CTNND2: variants seen among roughly 807,000 people sequenced by gnomAD.
CTNND2 encodes catenin delta 2.
A neutral mutation model predicts 144.4 loss-of-function variants in CTNND2; 22 were observed. That is an observed-to-expected ratio of 0.15 (90% CI 0.11 to 0.22). The LOEUF is 0.22. CTNND2 is among the 10% of genes least tolerant of loss of function. The pLI is 1.00. For missense variants in CTNND2, 1,353 were observed against 1,618.8 expected (o/e 0.84, Z 2.82); for synonymous variants, 751 against 695.6 (o/e 1.08, Z -1.25).
chr5:11,129,098 AAATAAAAT>A (rs1755159554), intron 12 of CTNND2, among the ~76,000 whole-genome samples: 1 of 31,744 alleles, frequency 3.2e-5, no homozygotes, highest in African/African-American at 9.2e-5. Context: ...TATTATATAT[AAATAAAAT>A]ATATATATTA....
In CTNND2 at chr5:11,829,683, C is replaced by T. The variant is rs536003888; in HGVS notation, c.37+74134G>A. 7.2e-5 allele frequency among the ~76,000 whole-genome samples: 11 copies of T among 152,334 alleles called. No homozygotes were observed. In the East Asian group the frequency reaches 1.7e-3, roughly 24 times the overall value. On this transcript the variant is annotated intron_variant, in intron 1 of 21. Transcript: ENST00000304623. ...CAGAGGCAGGGCTCTCATGGAGAAC[C>T]TCTACTCGGGCAGTGCAGAAGGGAA...
chr5:11,470,083 C>T (rs1401774318), intron 3 of CTNND2, among the ~76,000 whole-genome samples: 1 of 152,110 alleles, frequency 6.6e-6, no homozygotes, highest in East Asian at 1.9e-4. Context: ...TCCACTCTCG[C>T]CCCCTCCTTC....
intron 9 of CTNND2, among the ~76,000 whole-genome samples, chr5:11,268,191 T>C (rs1745649376): frequency 6.6e-6 from 1 of 152,244 alleles, no homozygotes; most frequent in South Asian, 2.1e-4. Flanking sequence ...TCCACATGGA[T>C]ATTTAAAAAT....
At chr5:11,843,145 T>C (rs935164009) in intron 1 of CTNND2, among the ~76,000 whole-genome samples, 7 of 152,178 alleles carry the variant, frequency 4.6e-5, no homozygotes, top group Non-Finnish European at 1.0e-4. Context: ...TATGAAAAAG[T>C]TGCACTTCTT....
rs191152735 is a variant in CTNND2 at position 11,578,585 on chromosome 5, C to T, written c.175-13529G>A. ...CTGAGGCAGGTAAATCGCTTGAACT[C>T]GGGAGGCAGAGGTTGCAGTGAGCTG... On this transcript the variant is annotated intron_variant, in intron 2 of 21. Coordinates refer to ENST00000304623, the MANE Select transcript of CTNND2 (RefSeq NM_001332.4). Among the ~76,000 whole-genome samples, 290 of 152,014 alleles carry T rather than the reference C, an allele frequency of 1.9e-3. 2 individuals carry two copies. Among genetic ancestry groups the T allele is most frequent in the African/African-American group, 6.6e-3 (274 of 41,458 alleles).
At chr5:11,216,648 G>T (rs909574433) in intron 10 of CTNND2, among the ~76,000 whole-genome samples, 1 of 152,244 alleles carries the variant, frequency 6.6e-6, no homozygotes, top group African/African-American at 2.4e-5. Flanking sequence ...AGAGCTACCA[G>T]ATAGTAAGTG....
chr5:11,086,638 A>T (rs1182538178), intron 15 of CTNND2, among the ~76,000 whole-genome samples: 1 of 152,230 alleles, frequency 6.6e-6, no homozygotes, highest in East Asian at 1.9e-4. Flanking sequence ...GTGTCCCATG[A>T]AATTCCTAGT....
intron 3 of CTNND2, among the ~76,000 whole-genome samples, chr5:11,518,669 T>C (rs929087606): frequency 3.9e-5 from 6 of 152,344 alleles, no homozygotes; most frequent in East Asian, 1.9e-4. Context: ...ATTTTTACTA[T>C]ACCTTTACTA....
At chr5:11,523,119 C>T (rs1364099287) in intron 3 of CTNND2, among the ~76,000 whole-genome samples, 1 of 152,166 alleles carries the variant, frequency 6.6e-6, no homozygotes, top group Non-Finnish European at 1.5e-5. Flanking sequence ...ACTTAATCCA[C>T]ATATACTAGC....
intron 9 of CTNND2, among the ~76,000 whole-genome samples, chr5:11,267,490 A>C (rs2149969294): frequency 6.6e-6 from 1 of 152,282 alleles, no homozygotes; most frequent in African/African-American, 2.4e-5. Flanking sequence ...GACACAGATA[A>C]ATGAGCCCTT....
At position 10,972,408 on chromosome 5, in the gene CTNND2, C is replaced by T. The variant is rs1735937820; in HGVS notation, c.*1045G>A. Reference sequence around the variant, plus strand: ...GAAATAGCTTCTGTCAAAATAAAATCTCACACAGGTAATTTTTCTAGTACG... The same window carrying T: ...GAAATAGCTTCTGTCAAAATAAAATTTCACACAGGTAATTTTTCTAGTACG... On this transcript the variant is annotated 3_prime_UTR_variant, in exon 22 of 22. Transcript: ENST00000304623. The T allele has an allele frequency of 6.6e-6, 1 of 152,220 alleles. No homozygotes were observed. Among genetic ancestry groups the T allele is most frequent in the African/African-American group, 2.4e-5 (1 of 41,442 alleles). 9.4% of individuals were successfully genotyped at this position (152,220 alleles called of 1,614,324 possible). A position where few individuals can be genotyped will look rare whatever the true frequency, so the allele number is the denominator to read the frequency against.
intron 10 of CTNND2, among the ~76,000 whole-genome samples, chr5:11,206,718 G>A (rs912681136): frequency 6.6e-6 from 1 of 152,198 alleles, no homozygotes; most frequent in Non-Finnish European, 1.5e-5. Context: ...ATTACAAAGT[G>A]TTGATGAACC....
chr5:11,590,984 C>G (rs2727584), intron 2 of CTNND2, among the ~76,000 whole-genome samples: 43,830 of 152,146 alleles, frequency 0.29, 6,744 homozygotes, highest in African/African-American at 0.4. Flanking sequence ...GCTTTATTCA[C>G]CTTTACTTAG....
At chr5:11,588,869 C>A in intron 2 of CTNND2, 3 of 985,400 alleles carry the variant, frequency 3.0e-6, no homozygotes, top group Non-Finnish European at 3.6e-6. Context: ...CGGTTCCTGG[C>A]ATCCTACCCA....
At chr5:11,152,941 C>T (rs910706279) in intron 12 of CTNND2, among the ~76,000 whole-genome samples, 9 of 151,964 alleles carry the variant, frequency 5.9e-5, no homozygotes, top group Admixed American at 5.9e-4. Context: ...ACACAGAGTC[C>T]TTCTCATTTT....
intron 9 of CTNND2, among the ~76,000 whole-genome samples, chr5:11,277,500 ATATTTATT>A (rs202245115): frequency 0.013 from 1,725 of 136,882 alleles, 20 homozygotes; most frequent in East Asian, 0.019. Flanking sequence ...CTTTTTAAAA[ATATTTATT>A]TATTTATTTA....
At chr5:11,246,988 T>C (rs1323293849) in intron 9 of CTNND2, among the ~76,000 whole-genome samples, 4 of 152,062 alleles carry the variant, frequency 2.6e-5, no homozygotes, top group Admixed American at 6.5e-5. Context: ...CTCCAAGACA[T>C]AGGGAAGCCA....
intron 3 of CTNND2, among the ~76,000 whole-genome samples, chr5:11,556,543 A>G (rs1190848937): frequency 6.6e-6 from 1 of 152,178 alleles, no homozygotes; most frequent in Non-Finnish European, 1.5e-5. Flanking sequence ...TTAACTATTA[A>G]TATATTAACT....
chr5:11,455,633 CT>C (rs970284677), intron 3 of CTNND2, among the ~76,000 whole-genome samples: 1 of 152,206 alleles, frequency 6.6e-6, no homozygotes, highest in African/African-American at 2.4e-5. Flanking sequence ...TCCTTCCTCC[CT>C]TCTGCCTCTT....
Sources: allele counts gnomAD v4.1 joint callset (sites outside exome capture counted in the v4.1 genomes callset), GRCh38; gene constraint gnomAD v4.1.1; transcripts MANE v1.5; gene names NCBI Gene and HGNC (gene_info 2026-07-23, HGNC 2026-07-21).